Variants in ADAMTSL1 observed in about 807,000 individuals in gnomAD.
The protein encoded by ADAMTSL1 is ADAMTS like 1, also known as ADAMTS-like protein 1.
In ADAMTSL1, 126 loss-of-function variants were observed where a neutral mutation model predicts 201.8. That is an observed-to-expected ratio of 0.62 (90% CI 0.54 to 0.72). The LOEUF (loss-of-function observed/expected upper bound fraction) is 0.72, where lower values mean the gene tolerates loss of function less well. Among genes scored for constraint, ADAMTSL1 ranks in the 30% least tolerant of loss-of-function variants. The probability of loss-of-function intolerance (pLI) is 0.00; values close to 1 mark genes in which losing one functional copy is unlikely to be tolerated. For synonymous variants in ADAMTSL1, 1,121 were observed against 903.4 expected (o/e 1.24, Z -4.32); for missense variants, 2,679 against 2,277.8 (o/e 1.18, Z -3.59).
chr9:18,093,233 G>C (rs1824103612), intron 1 of ADAMTSL1, among the ~76,000 whole-genome samples: 1 of 152,120 alleles, frequency 6.6e-6, no homozygotes, highest in African/African-American at 2.4e-5. Context: ...AAAATCTGCA[G>C]TATTTTTCAA....
intron 2 of ADAMTSL1, among the ~76,000 whole-genome samples, chr9:18,326,165 C>T (rs923066907): frequency 2.6e-5 from 4 of 152,186 alleles, no homozygotes; most frequent in African/African-American, 9.7e-5. Flanking sequence ...CAAGTTTCAA[C>T]ATGAATTTTG....
At chr9:18,866,580 C>A (rs1283118222) in intron 23 of ADAMTSL1, among the ~76,000 whole-genome samples, 1 of 152,132 alleles carries the variant, frequency 6.6e-6, no homozygotes, top group Non-Finnish European at 1.5e-5. Flanking sequence ...TCAAGATGAA[C>A]AGTCATGCTT....
chr9:18,238,171 G>A (rs762519819), intron 2 of ADAMTSL1, among the ~76,000 whole-genome samples: 39 of 152,306 alleles, frequency 2.6e-4, no homozygotes, highest in Non-Finnish European at 5.1e-4. Flanking sequence ...GTTTTTTTAA[G>A]AGAGCTTTAA....
At chr9:18,022,479 C>T (rs912040691) in intron 1 of ADAMTSL1, among the ~76,000 whole-genome samples, 4 of 152,122 alleles carry the variant, frequency 2.6e-5, no homozygotes, top group African/African-American at 7.2e-5. Context: ...AGCATAAATC[C>T]TGCAATAATT....
intron 26 of ADAMTSL1, 149 bp downstream of exon 26, chr9:18,892,745 G>C (rs1337085422): frequency 5.9e-6 from 5 of 845,696 alleles, no homozygotes; most frequent in East Asian, 2.7e-5. Flanking sequence ...TTGTCCAGCT[G>C]AGACACCCCC....
At chr9:18,627,764 G>A (rs1007014879) in intron 5 of ADAMTSL1, among the ~76,000 whole-genome samples, 1 of 151,840 alleles carries the variant, frequency 6.6e-6, no homozygotes, top group Non-Finnish European at 1.5e-5. Context: ...GACCTGATTA[G>A]CAATCTTAAT....
intron 7 of ADAMTSL1, among the ~76,000 whole-genome samples, chr9:18,647,504 A>G (rs979410440): frequency 1.1e-4 from 16 of 151,540 alleles, no homozygotes; most frequent in African/African-American, 2.9e-4. Flanking sequence ...GATCTTTCCT[A>G]CTTTCTCTTG....
At position 18,227,878 on chromosome 9, in the gene ADAMTSL1, A is replaced by C. The variant is rs973861113; in HGVS notation, c.207+63897A>C. On this transcript the variant is annotated intron_variant, in intron 2 of 29. Transcript: ENST00000680146. ...GGATACTGTGTCTTTCTTCATTTTT[A>C]AATCACAGAGCCTAGAAGGTGCTCA... 3.9e-5 allele frequency among the ~76,000 whole-genome samples: 6 copies of C among 152,314 alleles called. No homozygotes were observed. In the South Asian group the frequency reaches 1.0e-3, roughly 26 times the overall value.
At position 18,776,809 on chromosome 9, in the gene ADAMTSL1, C is replaced by G. The variant is rs1470321847; in HGVS notation, c.2580C>G (p.Ser860Arg). 6.4e-7 allele frequency: 1 copy of G among 1,562,154 alleles called. No individual in the cohort carries two copies. Among genetic ancestry groups the G allele is most frequent in the Non-Finnish European group, 8.7e-7 (1 of 1,153,964 alleles). Reference sequence around the variant, plus strand: ...CCGGGCGGCCATCCACGAAGCACAGCCCGCACATCGCGGCCGCCAGGAAGG... The same window carrying G: ...CCGGGCGGCCATCCACGAAGCACAGGCCGCACATCGCGGCCGCCAGGAAGG... ...ARPGRPSTKH[S>R]PHIAAARKVY... The change falls in exon 19 of 29, where the codon AGC becomes AGG. Residue 860 changes from serine to arginine, a missense_variant. Coordinates refer to ENST00000380548, the MANE Select transcript of ADAMTSL1 (RefSeq NM_001040272.6).
At chr9:18,862,715 C>A (rs1373280009) in intron 23 of ADAMTSL1, among the ~76,000 whole-genome samples, 3 of 152,160 alleles carry the variant, frequency 2.0e-5, no homozygotes, top group Non-Finnish European at 2.9e-5. Context: ...AAAAGGCCAT[C>A]TCATCTGTGG....
chr9:18,905,781 G>C lies in ADAMTSL1; in HGVS notation c.4852-1G>C, dbSNP rs1402252882. 6.2e-7 allele frequency: 1 copy of C among 1,611,626 alleles called. No individual in the cohort carries two copies. The highest frequency in any genetic ancestry group is 8.5e-7 in the Non-Finnish European group (1 of 1,178,764). ...GTATGTTACCTTTTTCTGCTTTCCA[G>C]TGCAATGGGCCTTGCATCGGGCCTC... On this transcript the variant is annotated splice_acceptor_variant, in intron 26 of 28. Transcript: ENST00000380548. LOFTEE classifies it high-confidence loss of function.
rs767373978 is a variant in ADAMTSL1 at position 18,639,419 on chromosome 9, C to T, written c.834+8C>T. On this transcript the variant is annotated splice_region_variant and intron_variant, in intron 7 of 28. Coordinates refer to ENST00000380548, the MANE Select transcript of ADAMTSL1 (RefSeq NM_001040272.6). Reference sequence around the variant, plus strand: ...GCAGATTTCATTGTCAAGGTGAGCCCTATTTAGATACCTCCTTTTCAAGCC... The same window carrying T: ...GCAGATTTCATTGTCAAGGTGAGCCTTATTTAGATACCTCCTTTTCAAGCC... 3.2e-5 allele frequency: 52 copies of T among 1,609,124 alleles called. No individual in the cohort carries two copies. In the South Asian group the frequency reaches 5.5e-4, roughly 17 times the overall value.
chr9:18,330,399 G>A (rs545137778), intron 2 of ADAMTSL1, among the ~76,000 whole-genome samples: 18 of 151,884 alleles, frequency 1.2e-4, no homozygotes, highest in Admixed American at 1.0e-3. Flanking sequence ...CACAGTTGAG[G>A]ACTGCCTTCC....
chr9:18,403,857 T>C, intron 2 of ADAMTSL1, among the ~76,000 whole-genome samples: 1 of 152,212 alleles, frequency 6.6e-6, no homozygotes, highest in South Asian at 2.1e-4. Context: ...ATCAATATTC[T>C]TATGGTCTTC....
chr9:18,623,678 T>C (rs1440421005), intron 5 of ADAMTSL1, among the ~76,000 whole-genome samples: 1 of 152,198 alleles, frequency 6.6e-6, no homozygotes, highest in Admixed American at 6.5e-5. Flanking sequence ...ATCACTATTC[T>C]AGGCACTGCA....
At chr9:18,023,776 A>G (rs1820578366) in intron 1 of ADAMTSL1, among the ~76,000 whole-genome samples, 1 of 152,158 alleles carries the variant, frequency 6.6e-6, no homozygotes, top group South Asian at 2.1e-4. Context: ...TGTTTCTTGA[A>G]AGACTAATGA....
chr9:17,915,609 G>T (rs935873510), intron 1 of ADAMTSL1, among the ~76,000 whole-genome samples: 1 of 152,106 alleles, frequency 6.6e-6, no homozygotes, highest in East Asian at 1.9e-4. Context: ...TAATATAGTA[G>T]GTGTACATTT....
chr9:18,385,875 G>A (rs544218701), intron 2 of ADAMTSL1, among the ~76,000 whole-genome samples: 1 of 152,250 alleles, frequency 6.6e-6, no homozygotes, highest in African/African-American at 2.4e-5. Context: ...TGGGTGGCAG[G>A]ATTTGTTGTA....
At chr9:18,419,466 T>C (rs1374683404) in intron 2 of ADAMTSL1, among the ~76,000 whole-genome samples, 4 of 151,886 alleles carry the variant, frequency 2.6e-5, no homozygotes, top group African/African-American at 2.4e-5. Flanking sequence ...TCTAGAGAAA[T>C]AGAAAATTAT....
Sources: gnomAD v4.1 joint callset for allele counts (sites outside exome capture counted in the v4.1 genomes callset) on GRCh38, gnomAD v4.1.1 for gene constraint, MANE v1.5 for transcripts, NCBI Gene and HGNC (gene_info 2026-07-23, HGNC 2026-07-21) for gene names.